Variants in CC2D1B observed in about 807,000 individuals in gnomAD.
CC2D1B encodes coiled-coil and C2 domain-containing protein 1B.
In CC2D1B, 92 loss-of-function variants were observed where a neutral mutation model predicts 110.8. That is an observed-to-expected ratio of 0.83 (90% CI 0.70 to 0.99). The LOEUF (loss-of-function observed/expected upper bound fraction) is 0.99. Ranked by LOEUF, CC2D1B falls within the 50% of genes least tolerant of loss-of-function variation. CC2D1B has a pLI of 0.00. For missense variants in CC2D1B, 1,136 were observed against 1,089.0 expected (o/e 1.04, Z -0.61); for synonymous variants, 406 against 429.2 (o/e 0.95, Z 0.67).
rs372584046 is a variant in CC2D1B at position 52,359,528 on chromosome 1, C to T, written c.949G>A (p.Gly317Ser). The T allele has an allele frequency of 2.0e-4, 323 of 1,613,650 alleles. No individual in the cohort carries two copies. Among genetic ancestry groups the T allele is most frequent in the Non-Finnish European group, 2.6e-4 (307 of 1,179,978 alleles). ...RELMRIGKRF[G>S]AVLEALEKGQ... ...TTCTCCAGGGCCTCCAGGACAGCAC[C>T]GAATCTCTGCAGAAGTTGGAAAAGC... is the stretch of plus-strand genomic sequence containing the variant. The change falls in exon 9 of 25, where the codon GGT (glycine) becomes AGT (serine). Residue 317 changes from glycine (G) to serine (S), a missense_variant. Coordinates refer to ENST00000284376, the MANE Select transcript of CC2D1B (RefSeq NM_001330585.2).
intron 23 of CC2D1B, chr1:52,354,242 A>T: frequency 2.4e-6 from 1 of 411,262 alleles, no homozygotes; most frequent in Non-Finnish European, 4.7e-6. Flanking sequence ...CAGCCTACAT[A>T]GGTTATCAGT....
At position 52,357,632 on chromosome 1, in the gene CC2D1B, T is replaced by A. The variant is rs200255661; in HGVS notation, c.1646A>T (p.Lys549Met). ...LQYQRAALQA[K>M]RSQDLEQAKA... Reference sequence around the variant, plus strand: ...GGCCTGCTCCAGGTCCTGGCTGCGCTTGGCCTGCAGGGCTGCCCGCTGATA... The same window carrying A: ...GGCCTGCTCCAGGTCCTGGCTGCGCATGGCCTGCAGGGCTGCCCGCTGATA... Residue 549 changes from lysine (K) to methionine (M), a missense_variant, in exon 15 of 25, where the codon AAG becomes ATG. Transcript: ENST00000284376. The A allele has an allele frequency of 1.4e-4, 216 of 1,594,742 alleles. No individual in the cohort carries two copies. The highest frequency in any genetic ancestry group is 3.0e-4 in the Admixed American group (17 of 56,802).
rs201266966 is a variant in CC2D1B, at chr1:52,357,050, G to A, written c.1829C>T (p.Ala610Val). 662 of 1,600,784 alleles carry A rather than the reference G, an allele frequency of 4.1e-4. 1 individual carries two copies. Among genetic ancestry groups the A allele is most frequent in the Middle Eastern group, 2.6e-3 (16 of 6,040 alleles). ...HHEDLRLSQK[A>V]EEVYAQLQKM... is the part of the protein sequence containing the mutation. The stretch of plus-strand genomic sequence containing the variant: ...TTGCAGCTGGGCATACACCTCCTCC[G>A]CCTTCTGGGAGAGTCGCAGGTCCTC... The change falls in exon 16 of 25, where the codon GCG becomes GTG. Residue 610 changes from alanine to valine, a missense_variant. By Grantham distance (64) the Ala-to-Val change is moderately conservative. Transcript: ENST00000284376.
intron 16 of CC2D1B, 160 bp downstream of exon 16, chr1:52,356,841 A>G (rs1056508321): frequency 2.6e-6 from 2 of 781,024 alleles, no homozygotes; most frequent in Admixed American, 5.9e-5. Context: ...AGATGAGGAA[A>G]ATGTAGTTCA....
chr1:52,359,927 A>G, intron 7 of CC2D1B, 44 bp from the exon 8 acceptor site: 6 of 1,587,036 alleles, frequency 3.8e-6, no homozygotes, highest in Non-Finnish European at 5.1e-6. Context: ...TGAGGGTCAC[A>G]GAAGAAGGTG....
intron 22 of CC2D1B, 30 bp downstream of exon 22, chr1:52,354,810 G>T (rs200270526): frequency 1.2e-6 from 2 of 1,605,360 alleles, no homozygotes; most frequent in Non-Finnish European, 1.7e-6. Context: ...CTCCCGGCCC[G>T]TGTGGCAGCA....
At chr1:52,358,913 G>C (rs1207725362) in intron 11 of CC2D1B, 114 bp downstream of exon 11, 17 of 1,497,782 alleles carry the variant, frequency 1.1e-5, no homozygotes, top group Non-Finnish European at 1.5e-5. Flanking sequence ...GCCCCAGAGA[G>C]ACAAACAGAT....
At chr1:52,358,045 C>A (rs976841368) in intron 13 of CC2D1B, 147 bp from the exon 14 acceptor site, 3 of 1,248,668 alleles carry the variant, frequency 2.4e-6, no homozygotes, top group Admixed American at 2.9e-5. Context: ...CCTAAAAGAT[C>A]TGAGAGCTAG....
chr1:52,362,305 C>A (rs1019344966), intron 3 of CC2D1B, among the ~76,000 whole-genome samples: 4 of 152,232 alleles, frequency 2.6e-5, no homozygotes, highest in Non-Finnish European at 5.9e-5. Context: ...CCTATGTACC[C>A]AGTTCAGTCT....
In CC2D1B at chr1:52,359,721, A is replaced by G. The variant is rs748420329; in HGVS notation, c.926T>C (p.Leu309Pro). 2.2e-5 allele frequency: 35 copies of G among 1,604,496 alleles called. No homozygotes were observed. Among genetic ancestry groups the G allele is most frequent in the Non-Finnish European group, 2.7e-5 (32 of 1,175,692 alleles). The change falls in exon 8 of 25, where the codon CTC becomes CCC. Residue 309 changes from leucine to proline, a missense_variant. Leu to Pro is a moderately conservative substitution (Grantham distance 98). Coordinates refer to ENST00000284376, the MANE Select transcript of CC2D1B (RefSeq NM_001330585.2). ...ATGCCATACCTTCCCAATCCTCATG[A>G]GCTCTCGGGCACGGTCTAGCTCTCC... ...RAGELDRARE[L>P]MRIGKRFGAV...
intron 4 of CC2D1B, 125 bp downstream of exon 4, chr1:52,361,388 G>T (rs1569864130): frequency 2.0e-6 from 3 of 1,516,038 alleles, no homozygotes; most frequent in Non-Finnish European, 2.7e-6. Context: ...GTACAGCCAG[G>T]AGGGGCAAGC....
rs1245023143 is a variant in CC2D1B at position 52,359,115 on chromosome 1, T to C, written c.1169A>G (p.Gln390Arg). The C allele has an allele frequency of 1.9e-6, 3 of 1,610,858 alleles. No individual in the cohort carries two copies. The highest frequency in any genetic ancestry group is 1.6e-4 in the Middle Eastern group (1 of 6,062). Residue 390 changes from glutamine (Q) to arginine (R), a missense_variant, in exon 11 of 25, where the codon CAG becomes CGG. By Grantham distance (43) the Gln-to-Arg change is conservative (BLOSUM62 1). Transcript: ENST00000284376. ...CGCCTCGCGGTACTTGTTCAGCCTC[T>C]GCTGCAGGGCATCCAGCACTGTCTG... is the stretch of plus-strand genomic sequence containing the variant. ...ESQTVLDALQ[Q>R]RLNKYREAGI... is the part of the protein sequence containing the mutation.
At chr1:52,358,627 AT>A in intron 12 of CC2D1B, 58 bp downstream of exon 12, 4 of 1,583,552 alleles carry the variant, frequency 2.5e-6, no homozygotes, top group Non-Finnish European at 3.5e-6. Context: ...GCTGTCCCCC[AT>A]TCCCTTCTTG....
At chr1:52,353,747 G>T in intron 23 of CC2D1B, 100 bp from the exon 24 acceptor site, 1 of 833,122 alleles carries the variant, frequency 1.2e-6, no homozygotes, top group Non-Finnish European at 1.9e-6. Flanking sequence ...GAGCTAAGAT[G>T]TCCTGTGGCA....
chr1:52,359,626 ATCTCAG>A lies in CC2D1B; in HGVS notation c.942+73_942+78del. 4.5e-6 allele frequency: 7 copies of A among 1,556,582 alleles called. No homozygotes were observed. The South Asian group carries it at 8.3e-5, about 18-fold the overall frequency. On this transcript the variant is annotated intron_variant, in intron 8 of 24. Coordinates refer to ENST00000284376, the MANE Select transcript of CC2D1B (RefSeq NM_001330585.2). ...CCCCCACTTAGGCCAATCTCACTCA[ATCTCAG>A]TCTAGCTCCCTTTCTGAGCCTGTTT...
intron 23 of CC2D1B, chr1:52,353,878 G>C: frequency 2.2e-6 from 1 of 448,456 alleles, no homozygotes; most frequent in South Asian, 3.1e-5. Flanking sequence ...AAGCATCCTA[G>C]AGCTCTGTTC....
Position 52,352,064 on chromosome 1 carries a change from A to G in CC2D1B, c.*1161T>C, listed in dbSNP as rs973178143. 6.6e-6 allele frequency: 1 copy of G among 152,222 alleles called. No individual in the cohort carries two copies. Among genetic ancestry groups the G allele is most frequent in the Non-Finnish European group, 1.5e-5 (1 of 68,008 alleles). The allele number at this position is 152,222 out of a possible 1,614,324, so 9.4% of individuals were successfully genotyped here. A position where few individuals can be genotyped will look rare whatever the true frequency, so the allele number is the denominator to read the frequency against. ...TCAGTTCTTGAGCTGTGCTTATGCA[A>G]TACTATAGTGATCAGTAAGCTGAAT... On this transcript the variant is annotated 3_prime_UTR_variant, in exon 25 of 25. Coordinates refer to ENST00000284376, the MANE Select transcript of CC2D1B (RefSeq NM_001330585.2).
chr1:52,361,435 G>A (rs1646780289), intron 4 of CC2D1B, 78 bp downstream of exon 4: 1 of 1,593,998 alleles, frequency 6.3e-7, no homozygotes, highest in Non-Finnish European at 8.6e-7. Context: ...GGCACCCCCA[G>A]CCTCCTCTCC....
chr1:52,357,070 G>GTCC lies in CC2D1B; in HGVS notation c.1806_1808dup (p.Glu602dup), dbSNP rs1443618730. The GTCC allele has an allele frequency of 6.2e-7, 1 of 1,611,230 alleles. No homozygotes were observed. The highest frequency in any genetic ancestry group is 2.2e-5 in the East Asian group (1 of 44,820). Reference sequence around the variant, plus strand: ...CCTCCGCCTTCTGGGAGAGTCGCAGGTCCTCATGGTGGATGAGGATGAAGT... The same window carrying GTCC: ...CCTCCGCCTTCTGGGAGAGTCGCAGGTCCTCCTCATGGTGGATGAGGATGAAGT... On this transcript the variant is annotated inframe_insertion, in exon 16 of 25. Transcript: ENST00000284376.
Sources: gnomAD v4.1 joint callset for allele counts (sites outside exome capture counted in the v4.1 genomes callset) on GRCh38, gnomAD v4.1.1 for gene constraint, MANE v1.5 for transcripts, NCBI Gene and HGNC (gene_info 2026-07-23, HGNC 2026-07-21) for gene names.